Variants in NSL1 observed in about 807,000 individuals in gnomAD.
NSL1 encodes the protein NSL1 component of MIS12 kinetochore complex, also known as kinetochore-associated protein NSL1 homolog.
NSL1 carries 11 observed loss-of-function variants against 25.4 expected under a neutral mutation model. That is an observed-to-expected ratio of 0.43 (90% confidence interval 0.27 to 0.72). NSL1 has a LOEUF of 0.72. Ranked by LOEUF, NSL1 falls within the 30% of genes least tolerant of loss-of-function variation. The pLI, the probability that NSL1 is intolerant of heterozygous loss-of-function variation, is 0.19. For missense variants in NSL1, 330 were observed against 342.7 expected (o/e 0.96, Z 0.29); for synonymous variants, 118 against 120.6 (o/e 0.98, Z 0.14).
Position 212,733,600 on chromosome 1 carries a change from T to C in NSL1, c.*4808A>G, listed in dbSNP as rs1332770327. On this transcript the variant is annotated 3_prime_UTR_variant, in exon 6 of 6. Transcript: ENST00000366977. ...GGAGTCTACAAAATTCAGCAGTCTT[T>C]TGTGAGAGGCTTCTTTCACTTGGCA... is the stretch of plus-strand genomic sequence containing the variant. Among the ~76,000 whole-genome samples, 1 of 152,224 alleles carries C rather than the reference T, an allele frequency of 6.6e-6. No homozygotes were observed. Among genetic ancestry groups the C allele is most frequent in the African/African-American group, 2.4e-5 (1 of 41,462 alleles).
Position 212,727,143 on chromosome 1 carries a change from T to C in NSL1, c.*11265A>G. ...AAGGTTCCCCGATCCCCTTCTCTCCTAAACTGCCCCTAGAGCTAGTCCACC... is the reference window on the plus strand; with the variant it reads ...AAGGTTCCCCGATCCCCTTCTCTCCCAAACTGCCCCTAGAGCTAGTCCACC... On this transcript the variant is annotated 3_prime_UTR_variant, in exon 6 of 6. Coordinates refer to ENST00000366977, the MANE Select transcript of NSL1 (RefSeq NM_015471.4). 6.3e-7 allele frequency: 1 copy of C among 1,579,874 alleles called. No individual in the cohort carries two copies. Among genetic ancestry groups the C allele is most frequent in the Non-Finnish European group, 8.6e-7 (1 of 1,163,038 alleles).
Position 212,731,364 on chromosome 1 carries a change from G to A in NSL1, c.*7044C>T, listed in dbSNP as rs138979492. On this transcript the variant is annotated 3_prime_UTR_variant, in exon 6 of 6. Transcript: ENST00000366977. ...TGAGCCCAGGAATTCAAGACCAGCCGGGGCAATATGGCGAGACCCCATCTC... is the reference window on the plus strand; with the variant it reads ...TGAGCCCAGGAATTCAAGACCAGCCAGGGCAATATGGCGAGACCCCATCTC... 549 of 979,498 alleles carry A rather than the reference G, an allele frequency of 5.6e-4. 3 individuals are homozygous for A. The African/African-American group carries it at 8.5e-3, about 15-fold the overall frequency. 60.7% of individuals were successfully genotyped at this position (979,498 alleles called of 1,614,324 possible).
rs937817876 is a variant in NSL1 at position 212,791,436 on chromosome 1, T to C, written c.234+94A>G. On this transcript the variant is annotated intron_variant, in intron 1 of 5. Transcript: ENST00000366977. ...CAGTAGCCTGGGGCACCGTTAATTC[T>C]GCCAAGGCCTGGCGTGGGATCTTTC... 22 of 1,185,610 alleles carry C rather than the reference T, an allele frequency of 1.9e-5. No homozygotes were observed. The Admixed American group carries it at 4.6e-4, about 25-fold the overall frequency. 73.4% of individuals were successfully genotyped at this position (1,185,610 alleles called of 1,614,324 possible). A position where few individuals can be genotyped will look rare whatever the true frequency, so the allele number is the denominator to read the frequency against.
intron 2 of NSL1, among the ~76,000 whole-genome samples, chr1:212,785,777 A>AT: frequency 6.6e-6 from 1 of 152,298 alleles, no homozygotes; most frequent in South Asian, 2.1e-4. Flanking sequence ...TGGTCCTCAT[A>AT]TTGCTCTGTT....
rs1658239766 is a variant in NSL1, at chr1:212,736,580, G to T, written c.*1828C>A. 1 of 985,194 alleles carries T rather than the reference G, an allele frequency of 1.0e-6. No individual in the cohort carries two copies. Among genetic ancestry groups the T allele is most frequent in the Non-Finnish European group, 1.2e-6 (1 of 829,744 alleles). The allele number at this position is 985,194 out of a possible 1,614,324, so 61.0% of individuals were successfully genotyped here. The stretch of plus-strand genomic sequence containing the variant: ...TTAGTTAATAATGCTAATACGTACT[G>T]TCTTTCCCAGTGGTATTTCTATTTT... On this transcript the variant is annotated 3_prime_UTR_variant, in exon 6 of 6. Transcript: ENST00000366977.
In NSL1 at chr1:212,771,973, C is replaced by T. The variant is rs543941503; in HGVS notation, c.499+10399G>A. On this transcript the variant is annotated intron_variant, in intron 4 of 5. Coordinates refer to ENST00000366977, the MANE Select transcript of NSL1 (RefSeq NM_015471.4). ...GTGGGAGATAATTGAATCATGGGGGCGGTTTCCTCCATACTGCTCTTGTAA... is the reference window on the plus strand; with the variant it reads ...GTGGGAGATAATTGAATCATGGGGGTGGTTTCCTCCATACTGCTCTTGTAA... Among the ~76,000 whole-genome samples, 9 of 152,212 alleles carry T rather than the reference C, an allele frequency of 5.9e-5. No homozygotes were observed. The South Asian group carries it at 1.0e-3, about 18-fold the overall frequency.
At chr1:212,746,496 A>C (rs985378850) in intron 4 of NSL1, among the ~76,000 whole-genome samples, 1 of 152,192 alleles carries the variant, frequency 6.6e-6, no homozygotes, top group Non-Finnish European at 1.5e-5. Flanking sequence ...TGTGGAAGTA[A>C]AAAAGTATAG....
intron 2 of NSL1, among the ~76,000 whole-genome samples, chr1:212,784,947 G>C (rs1319898921): frequency 6.6e-6 from 1 of 152,144 alleles, no homozygotes; most frequent in East Asian, 1.9e-4. Context: ...CGGGAAAAAA[G>C]GAATAGGGAG....
intron 1 of NSL1, among the ~76,000 whole-genome samples, chr1:212,788,172 G>A (rs1269821814): frequency 6.6e-6 from 1 of 152,186 alleles, no homozygotes; most frequent in Non-Finnish European, 1.5e-5. Flanking sequence ...CCATCACTTT[G>A]GGAAGCCAAG....
rs139641113 is a variant in NSL1 at position 212,755,066 on chromosome 1, T to TG, written c.500-15466dup. On this transcript the variant is annotated intron_variant, in intron 4 of 5. Transcript: ENST00000366977. ...TGAAAAATTCTAGTCAAGAAGCACT[T>TG]GCAAATCAAAAGTCTAAAATACATG... 5.0e-3 allele frequency among the ~76,000 whole-genome samples: 767 copies of TG among 152,108 alleles called. 4 individuals carry two copies. The highest frequency in any genetic ancestry group is 0.018 in the African/African-American group (730 of 41,494).
intron 4 of NSL1, among the ~76,000 whole-genome samples, chr1:212,779,367 T>A (rs1393938423): frequency 8.2e-6 from 1 of 122,356 alleles, no homozygotes; most frequent in Non-Finnish European, 1.7e-5. Flanking sequence ...AGCCGCCCCA[T>A]CTCAGAGGGA....
chr1:212,774,867 C>T (rs76515576), intron 4 of NSL1, among the ~76,000 whole-genome samples: 2 of 152,306 alleles, frequency 1.3e-5, no homozygotes, highest in East Asian at 1.9e-4. Context: ...CGTACAGGAA[C>T]TTGTACATGA....
chr1:212,747,998 C>T (rs1463355839), intron 4 of NSL1, among the ~76,000 whole-genome samples: 1 of 152,094 alleles, frequency 6.6e-6, no homozygotes, highest in Non-Finnish European at 1.5e-5. Flanking sequence ...ACTCCCAACC[C>T]CAAGTGATCC....
At chr1:212,774,410 G>T (rs1057017961) in intron 4 of NSL1, among the ~76,000 whole-genome samples, 19 of 152,060 alleles carry the variant, frequency 1.2e-4, no homozygotes, top group African/African-American at 4.3e-4. Context: ...AGGAAAGTGA[G>T]AATGAGAGAA....
chr1:212,776,345 AAGAG>A (rs1344507144), intron 4 of NSL1, among the ~76,000 whole-genome samples: 1 of 151,720 alleles, frequency 6.6e-6, no homozygotes, highest in African/African-American at 2.4e-5. Flanking sequence ...CCTGGGCAAC[AAGAG>A]AGAAACTCCG....
chr1:212,779,380 TG>T (rs567032284), intron 4 of NSL1, among the ~76,000 whole-genome samples: 3 of 103,664 alleles, frequency 2.9e-5, no homozygotes, highest in Non-Finnish European at 3.9e-5. Flanking sequence ...CAGAGGGAGG[TG>T]GGGGGGTCAG....
chr1:212,762,825 C>A (rs1009435781), intron 4 of NSL1, among the ~76,000 whole-genome samples: 1 of 152,198 alleles, frequency 6.6e-6, no homozygotes, highest in African/African-American at 2.4e-5. Context: ...TGAACAGAGG[C>A]AAGCCATTCC....
intron 2 of NSL1, among the ~76,000 whole-genome samples, chr1:212,786,798 T>C (rs951734466): frequency 2.0e-5 from 3 of 152,112 alleles, no homozygotes; most frequent in African/African-American, 4.8e-5. Context: ...AGAGTGAAAC[T>C]CTGTCTAAAA....
rs754041158 is a variant in NSL1, at chr1:212,784,359, T to C, written c.444+4A>G. The C allele has an allele frequency of 6.4e-7, 1 of 1,562,322 alleles. No individual in the cohort carries two copies. The highest frequency in any genetic ancestry group is 1.2e-5 in the South Asian group (1 of 82,544). Reference sequence around the variant, plus strand: ...TATAACATTTTAAAGGCAAATCATCTTACCAGAATTTCTTGTTTTGCTTTT... The same window carrying C: ...TATAACATTTTAAAGGCAAATCATCCTACCAGAATTTCTTGTTTTGCTTTT... On this transcript the variant is annotated splice_donor_region_variant and intron_variant, in intron 3 of 5. Transcript: ENST00000366977.
Sources: gnomAD v4.1 joint callset for allele counts (sites outside exome capture counted in the v4.1 genomes callset) on GRCh38, gnomAD v4.1.1 for gene constraint, MANE v1.5 for transcripts, NCBI Gene and HGNC (gene_info 2026-07-23, HGNC 2026-07-21) for gene names.